Variants in DBF4B observed in about 807,000 individuals in gnomAD.
DBF4B encodes the protein DBF4B-CDC7 kinase regulatory subunit.
Under a neutral mutation model 53.4 loss-of-function variants are expected in DBF4B, and 49 were observed. The observed-to-expected ratio is 0.92, with a 90% CI of 0.73 to 1.16. The LOEUF (loss-of-function observed/expected upper bound fraction) is 1.16. DBF4B is among the 50% of genes most tolerant of loss of function. The probability of loss-of-function intolerance (pLI) is 0.00; values close to 1 mark genes in which losing one functional copy is unlikely to be tolerated. For missense variants in DBF4B, 692 were observed against 775.0 expected (o/e 0.89, Z 1.27); for synonymous variants, 257 against 288.7 (o/e 0.89, Z 1.11).
At chr17:44,732,437 T>A in intron 6 of DBF4B, 172 bp downstream of exon 6, 1 of 726,606 alleles carries the variant, frequency 1.4e-6, no homozygotes, top group Non-Finnish European at 2.3e-6. Flanking sequence ...GGGAAAGCGG[T>A]GAGGACGCAG....
Position 44,715,901 on chromosome 17 carries a change from C to G in DBF4B, c.82+6535C>G, listed in dbSNP as rs150270430. On this transcript the variant is annotated intron_variant, in intron 2 of 13. Transcript: ENST00000315005. ...GCAATGGCGCGATCTCAGCTCAATG[C>G]AACCTCCCCCTCCCAGGTTCAAGCA... 3.7e-3 allele frequency among the ~76,000 whole-genome samples: 519 copies of G among 140,964 alleles called. 4 individuals are homozygous for G. The highest frequency in any genetic ancestry group is 0.033 in the Middle Eastern group (9 of 274). The allele number at this position is 140,964 out of a possible 152,430, so 92.5% of individuals were successfully genotyped here.
chr17:44,722,785 A>C, intron 2 of DBF4B, 95 bp from the exon 3 acceptor site: 1 of 1,397,234 alleles, frequency 7.2e-7, no homozygotes, highest in Non-Finnish European at 9.9e-7. Flanking sequence ...AGTCTGTGCT[A>C]TTATAGCACA....
intron 13 of DBF4B, chr17:44,750,091 C>T: frequency 6.0e-6 from 6 of 996,684 alleles, no homozygotes; most frequent in Non-Finnish European, 7.2e-6. Flanking sequence ...GCTGCCTGCC[C>T]GAAGTTCGGC....
intron 2 of DBF4B, among the ~76,000 whole-genome samples, chr17:44,710,732 A>C (rs894695113): frequency 1.3e-5 from 2 of 150,602 alleles, no homozygotes; most frequent in African/African-American, 4.9e-5. Context: ...CGCCCAGCTA[A>C]TTTTTTTTTG....
At chr17:44,746,737 T>C (rs1259398966) in intron 10 of DBF4B, among the ~76,000 whole-genome samples, 1 of 151,246 alleles carries the variant, frequency 6.6e-6, no homozygotes, top group Non-Finnish European at 1.5e-5. Context: ...GAGAATGGCT[T>C]GAGCCCAGGA....
intron 10 of DBF4B, among the ~76,000 whole-genome samples, chr17:44,745,853 C>G (rs1976533378): frequency 6.6e-6 from 1 of 152,012 alleles, no homozygotes. Flanking sequence ...GTCGAGTTTG[C>G]TGGACAGCCA....
At chr17:44,726,033 A>G (rs905763492) in intron 3 of DBF4B, among the ~76,000 whole-genome samples, 4 of 150,016 alleles carry the variant, frequency 2.7e-5, no homozygotes, top group Admixed American at 2.0e-4. Context: ...CTTGTTGCCC[A>G]GGCTGGAGTG....
intron 2 of DBF4B, among the ~76,000 whole-genome samples, chr17:44,717,232 A>G (rs753125147): frequency 2.6e-5 from 4 of 152,092 alleles, no homozygotes; most frequent in Non-Finnish European, 4.4e-5. Context: ...TGAAAGAGTT[A>G]CTCAACCTAA....
intron 3 of DBF4B, among the ~76,000 whole-genome samples, chr17:44,726,292 T>TTTTTTTTTTTTATTTA (rs1555676222): frequency 7.6e-6 from 1 of 132,054 alleles, no homozygotes; most frequent in Admixed American, 8.0e-5. Flanking sequence ...CCCGGCCCTT[T>TTTTTTTTTTTTATTTA]TTTATTTATT....
intron 7 of DBF4B, among the ~76,000 whole-genome samples, chr17:44,736,463 C>G (rs1230783105): frequency 6.6e-6 from 1 of 152,156 alleles, no homozygotes; most frequent in Non-Finnish European, 1.5e-5. Flanking sequence ...ATTTAGTGAG[C>G]ATCTATTCTG....
intron 5 of DBF4B, 108 bp downstream of exon 5, chr17:44,731,123 G>A (rs16970956): frequency 0.18 from 226,739 of 1,226,402 alleles, 22,650 homozygotes; most frequent in African/African-American, 0.35. Context: ...CACACTCTGC[G>A]ATATGTAGTA....
chr17:44,724,213 A>G (rs529997574), intron 3 of DBF4B, among the ~76,000 whole-genome samples: 7 of 152,278 alleles, frequency 4.6e-5, no homozygotes, highest in African/African-American at 1.7e-4. Flanking sequence ...CCTGGCCAAC[A>G]TGGCAAAACC....
At chr17:44,748,287 C>G in intron 12 of DBF4B, 54 bp from the exon 13 acceptor site, 2 of 1,545,644 alleles carry the variant, frequency 1.3e-6, no homozygotes, top group African/African-American at 1.4e-5. Flanking sequence ...CAGCCCTGGC[C>G]CAGGCCTGCT....
intron 13 of DBF4B, 127 bp downstream of exon 13, chr17:44,748,592 AC>A: frequency 1.3e-6 from 2 of 1,535,300 alleles, no homozygotes; most frequent in East Asian, 2.5e-5. Context: ...GTGTTTGTGG[AC>A]CCCCCAGGGA....
chr17:44,713,946 C>T (rs948401873), intron 2 of DBF4B, among the ~76,000 whole-genome samples: 1 of 151,452 alleles, frequency 6.6e-6, no homozygotes, highest in Non-Finnish European at 1.5e-5. Context: ...GTTGGATCTC[C>T]TGTATTTTAA....
At chr17:44,722,111 GC>G (rs1973902479) in intron 2 of DBF4B, among the ~76,000 whole-genome samples, 1 of 151,146 alleles carries the variant, frequency 6.6e-6, no homozygotes, top group Non-Finnish European at 1.5e-5. Flanking sequence ...TCCAGCCTGG[GC>G]AACAAGAGCG....
intron 3 of DBF4B, among the ~76,000 whole-genome samples, chr17:44,724,261 G>A (rs1258616283): frequency 1.3e-5 from 2 of 152,188 alleles, no homozygotes. Context: ...GCCAGGTACA[G>A]TGGCACATGC....
chr17:44,749,119 C>T lies in DBF4B; in HGVS notation c.1189+654C>T, dbSNP rs2049201139. 1 of 1,289,676 alleles carries T rather than the reference C, an allele frequency of 7.8e-7. No individual in the cohort carries two copies. Among genetic ancestry groups the T allele is most frequent in the Non-Finnish European group, 1.0e-6 (1 of 988,782 alleles). 79.9% of individuals were successfully genotyped at this position (1,289,676 alleles called of 1,614,324 possible). On this transcript the variant is annotated intron_variant, in intron 13 of 13. Coordinates refer to ENST00000315005, the MANE Select transcript of DBF4B (RefSeq NM_145663.3). The surrounding 1 kb of genome is among the most constrained non-coding windows in gnomAD (Gnocchi z 4.4). The stretch of plus-strand genomic sequence containing the variant: ...TCCCCTGTACTCAGCTACCAGTGTG[C>T]AGCCCTCGGGAGCACCTGTAGAGAG...
Position 44,730,028 on chromosome 17 carries a change from G to A in DBF4B, c.349G>A (p.Val117Met). The A allele has an allele frequency of 6.2e-7, 1 of 1,613,584 alleles. No individual in the cohort carries two copies. Among genetic ancestry groups the A allele is most frequent in the South Asian group, 1.1e-5 (1 of 91,034 alleles). Residue 117 changes from valine to methionine, a missense_variant, in exon 4 of 14, where the codon GTG becomes ATG. Physicochemically the swap from Val to Met is conservative, Grantham distance 21. Around this residue, in one of 3 missense-constraint regions of DBF4B, gnomAD observed 597 missense variants for 665.8 expected, o/e 0.90. Coordinates refer to ENST00000315005, the MANE Select transcript of DBF4B (RefSeq NM_145663.3). ...CPSPSPSEVR[V>M]ETSAMVDPKG... The stretch of plus-strand genomic sequence containing the variant: ...TAGCCCTAGCCCCAGTGAGGTCAGA[G>A]TGGAAACATCGGCCATGGTTGATCC...
Sources: gnomAD v4.1 joint callset for allele counts (sites outside exome capture counted in the v4.1 genomes callset) on GRCh38, gnomAD v4.1.1 for gene constraint, gnomAD v4.1.1 regional missense constraint, Gnocchi (gnomAD v3.1) non-coding constraint, MANE v1.5 for transcripts, NCBI Gene and HGNC (gene_info 2026-07-23, HGNC 2026-07-21) for gene names.